TRAP1: variants seen among roughly 807,000 people sequenced by gnomAD.
The protein encoded by TRAP1 is TNF receptor associated protein 1, also known as heat shock protein 75 kDa, mitochondrial.
TRAP1 carries 102 observed loss-of-function variants against 89.1 expected under a neutral mutation model. That is an observed-to-expected ratio of 1.15 (90% CI 0.98 to 1.35). TRAP1 has a LOEUF of 1.35. Among genes scored for constraint, TRAP1 ranks in the 40% most tolerant of loss-of-function variants. The pLI is 0.00. For synonymous variants in TRAP1, 508 were observed against 388.0 expected (o/e 1.31, Z -3.64); for missense variants, 1,256 against 945.3 (o/e 1.33, Z -4.31).
intron 1 of TRAP1, among the ~76,000 whole-genome samples, chr16:3,703,326 G>A (rs2051394293): frequency 6.6e-6 from 1 of 151,582 alleles, no homozygotes; most frequent in East Asian, 1.9e-4. Context: ...CTCACAAGCG[G>A]AGGACTAACA....
rs2051049735 is a variant in TRAP1, at chr16:3,679,738, A to G, written c.524T>C (p.Ile175Thr). Reference protein sequence around the residue: ...QEELVSNLGTIARSGSKAFLD... With the variant: ...QEELVSNLGTTARSGSKAFLD... ...GCTTACCTTTGACCCCGATCTGGCA[A>G]TCGTCCCCAGGTTGGACACCAGCTC... is the stretch of plus-strand genomic sequence containing the variant. The change falls in exon 5 of 18, where the codon ATT becomes ACT. Residue 175 changes from isoleucine (I) to threonine (T), a missense_variant. Ile to Thr is a moderately conservative substitution (Grantham distance 89). Coordinates refer to ENST00000246957, the MANE Select transcript of TRAP1 (RefSeq NM_016292.3). 1.2e-6 allele frequency: 2 copies of G among 1,613,960 alleles called. No homozygotes were observed. Among genetic ancestry groups the G allele is most frequent in the Non-Finnish European group, 1.7e-6 (2 of 1,180,004 alleles).
At chr16:3,690,374 C>G (rs1567237539) in intron 2 of TRAP1, among the ~76,000 whole-genome samples, 1 of 152,298 alleles carries the variant, frequency 6.6e-6, no homozygotes, top group African/African-American at 2.4e-5. Flanking sequence ...AACCTCACTT[C>G]TCTTTTTAAC....
chr16:3,684,771 C>T lies in TRAP1; in HGVS notation c.471+1225G>A, dbSNP rs191124026. Among the ~76,000 whole-genome samples, 1,426 of 152,174 alleles carry T rather than the reference C, an allele frequency of 9.4e-3. 16 individuals are homozygous for T. The highest frequency in any genetic ancestry group is 0.027 in the African/African-American group (1,101 of 41,496). On this transcript the variant is annotated intron_variant, in intron 4 of 17. Coordinates refer to ENST00000246957, the MANE Select transcript of TRAP1 (RefSeq NM_016292.3). The stretch of plus-strand genomic sequence containing the variant: ...CACTACTGCACTCCAGCCTGGGCGA[C>T]ACAGCCACACTCTGTCTCCAAAAAA...
chr16:3,685,989 GA>G lies in TRAP1; in HGVS notation c.471+6del. On this transcript the variant is annotated splice_donor_region_variant and intron_variant, in intron 4 of 17. Transcript: ENST00000246957. ...CCTGCCACACGCCTGGACACTGAGG[GA>G]GGTACCTGGATGGTGATGGTGCCTT... 6.2e-7 allele frequency: 1 copy of G among 1,613,542 alleles called. No individual in the cohort carries two copies. Among genetic ancestry groups the G allele is most frequent in the Non-Finnish European group, 8.5e-7 (1 of 1,179,732 alleles).
intron 4 of TRAP1, among the ~76,000 whole-genome samples, chr16:3,682,813 T>C (rs898485340): frequency 2.0e-5 from 3 of 151,794 alleles, no homozygotes; most frequent in Admixed American, 1.3e-4. Flanking sequence ...CGAACCCTGA[T>C]AGCACCAATG....
chr16:3,712,564 T>G (rs376824435), intron 1 of TRAP1, among the ~76,000 whole-genome samples: 6 of 152,236 alleles, frequency 3.9e-5, no homozygotes, highest in East Asian at 3.9e-4. Flanking sequence ...GGCCAACTAC[T>G]CACCCAGTAA....
intron 16 of TRAP1, 85 bp downstream of exon 16, chr16:3,661,902 T>C: frequency 5.4e-6 from 8 of 1,473,258 alleles, no homozygotes; most frequent in Non-Finnish European, 7.2e-6. Flanking sequence ...ACTTTTCTTC[T>C]GTGTCACATT....
At chr16:3,688,142 T>C (rs978890395) in intron 3 of TRAP1, among the ~76,000 whole-genome samples, 9 of 152,002 alleles carry the variant, frequency 5.9e-5, no homozygotes, top group South Asian at 4.1e-4. Flanking sequence ...TCTTTTTCCT[T>C]GTCCTGTCAC....
chr16:3,671,883 G>A, intron 10 of TRAP1, 92 bp from the exon 11 acceptor site: 1 of 1,363,162 alleles, frequency 7.3e-7, no homozygotes, highest in South Asian at 1.2e-5. Context: ...TTCAGGCCTG[G>A]CCTTCAACCC....
chr16:3,704,745 G>A (rs1014727875), intron 1 of TRAP1, among the ~76,000 whole-genome samples: 2 of 152,030 alleles, frequency 1.3e-5, no homozygotes, highest in Admixed American at 6.6e-5. Context: ...AGGGCACAGG[G>A]GCTCATGTTT....
intron 4 of TRAP1, 44 bp from the exon 5 acceptor site, chr16:3,679,834 G>GGGCTT: frequency 6.2e-7 from 1 of 1,601,466 alleles, no homozygotes; most frequent in Non-Finnish European, 8.5e-7. Flanking sequence ...CAGCACCTGG[G>GGGCTT]GAGCCGGGTG....
Position 3,666,032 on chromosome 16 carries a change from A to G in TRAP1, c.1322T>C (p.Phe441Ser). 2 of 1,614,200 alleles carry G rather than the reference A, an allele frequency of 1.2e-6. No homozygotes were observed. The highest frequency in any genetic ancestry group is 2.2e-5 in the South Asian group (2 of 91,086). Reference protein sequence around the residue: ...KKDAEKYAKFFEDYGLFMREG... With the variant: ...KKDAEKYAKFSEDYGLFMREG... Reference sequence around the variant, plus strand: ...CCGCATGAACAGGCCGTAATCTTCAAAAAACTTTGCATACTTCTCAGCATC... The same window carrying G: ...CCGCATGAACAGGCCGTAATCTTCAGAAAACTTTGCATACTTCTCAGCATC... Residue 441 changes from phenylalanine (F) to serine (S), a missense_variant, in exon 12 of 18, where the codon TTT (phenylalanine) becomes TCT (serine). By Grantham distance (155) the Phe-to-Ser change is radical. Coordinates refer to ENST00000246957, the MANE Select transcript of TRAP1 (RefSeq NM_016292.3).
intron 1 of TRAP1, among the ~76,000 whole-genome samples, chr16:3,698,522 TTGATCTCCTGACCTCG>T (rs1312923841): frequency 2.6e-5 from 4 of 152,044 alleles, no homozygotes; most frequent in South Asian, 2.1e-4. Context: ...CAGGATGGTC[TTGATCTCCTGACCTCG>T]TGATCTGCCC....
In TRAP1 at chr16:3,674,578, G is replaced by A. The variant is rs761362035; in HGVS notation, c.889-84C>T. On this transcript the variant is annotated intron_variant, in intron 8 of 17. Transcript: ENST00000246957. Reference sequence around the variant, plus strand: ...CCGTGCAGGCCTGAGCCAGTGCAGCGCCTGGCCCTGGACAGGCTCCTGGGA... The same window carrying A: ...CCGTGCAGGCCTGAGCCAGTGCAGCACCTGGCCCTGGACAGGCTCCTGGGA... 2.5e-5 allele frequency: 38 copies of A among 1,510,932 alleles called. No individual in the cohort carries two copies. The African/African-American group carries it at 4.5e-4, about 18-fold the overall frequency. The allele number at this position is 1,510,932 out of a possible 1,614,324, so 93.6% of individuals were successfully genotyped here.
intron 10 of TRAP1, 30 bp from the exon 11 acceptor site, chr16:3,671,821 G>C (rs1230562619): frequency 1.2e-6 from 2 of 1,608,054 alleles, no homozygotes; most frequent in South Asian, 1.1e-5. Flanking sequence ...GCTTCTCCCG[G>C]GGCTGCGGCC....
intron 11 of TRAP1, among the ~76,000 whole-genome samples, chr16:3,670,502 A>T (rs568820172): frequency 6.6e-6 from 1 of 151,572 alleles, no homozygotes; most frequent in South Asian, 2.1e-4. Context: ...GGAGTTCAAG[A>T]TCAGCCTGGG....
intron 1 of TRAP1, among the ~76,000 whole-genome samples, chr16:3,694,409 T>C (rs2051259043): frequency 6.6e-6 from 1 of 151,988 alleles, no homozygotes; most frequent in African/African-American, 2.4e-5. Flanking sequence ...AGGGGCATGA[T>C]CTCAGCTCAC....
chr16:3,658,641 C>G, intron 17 of TRAP1, 152 bp downstream of exon 17: 1 of 762,294 alleles, frequency 1.3e-6, no homozygotes, highest in Non-Finnish European at 2.1e-6. Flanking sequence ...CCACTGCACT[C>G]CAGCCTGGCA....
At chr16:3,674,661 CG>C (rs1481165907) in intron 8 of TRAP1, 167 bp from the exon 9 acceptor site, 1 of 796,756 alleles carries the variant, frequency 1.3e-6, no homozygotes, top group African/African-American at 1.7e-5. Context: ...TGGGCTATGC[CG>C]GGTAGTGCAG....
Sources: gnomAD v4.1 joint callset for allele counts (sites outside exome capture counted in the v4.1 genomes callset) on GRCh38, gnomAD v4.1.1 for gene constraint, MANE v1.5 for transcripts, NCBI Gene and HGNC (gene_info 2026-07-23, HGNC 2026-07-21) for gene names.